Variants in CDK15 observed in about 807,000 individuals in gnomAD.
The protein encoded by CDK15 is cyclin-dependent kinase 15.
CDK15 carries 62 observed loss-of-function variants against 60.3 expected under a neutral mutation model. The ratio of observed to expected loss-of-function variants is 1.03; its 90% CI spans 0.84 to 1.27. The LOEUF (loss-of-function observed/expected upper bound fraction) is 1.27. CDK15 is among the 50% of genes most tolerant of loss of function. The pLI, the probability that CDK15 is intolerant of heterozygous loss-of-function variation, is 0.00. For missense variants in CDK15, 541 were observed against 527.8 expected (o/e 1.03, Z -0.25); for synonymous variants, 194 against 195.7 (o/e 0.99, Z 0.07).
At chr2:201,847,123 G>A (rs1450602584) in intron 8 of CDK15, among the ~76,000 whole-genome samples, 1 of 152,134 alleles carries the variant, frequency 6.6e-6, no homozygotes, top group Non-Finnish European at 1.5e-5. Context: ...CAGATAATGA[G>A]CTTGAATGAT....
At chr2:201,841,560 C>T (rs2105762074) in intron 8 of CDK15, among the ~76,000 whole-genome samples, 2 of 152,160 alleles carry the variant, frequency 1.3e-5, no homozygotes, top group African/African-American at 4.8e-5. Flanking sequence ...TTCCAGTTGA[C>T]AAAGAATGAA....
intron 10 of CDK15, among the ~76,000 whole-genome samples, chr2:201,855,495 G>T (rs1698107835): frequency 6.6e-6 from 1 of 152,176 alleles, no homozygotes; most frequent in Non-Finnish European, 1.5e-5. Context: ...AGAAGTGCTG[G>T]AAGTGTTATC....
intron 6 of CDK15, among the ~76,000 whole-genome samples, chr2:201,826,514 G>A (rs1329766341): frequency 7.1e-6 from 1 of 141,078 alleles, no homozygotes; most frequent in Non-Finnish European, 1.5e-5. Context: ...CATTTCAACA[G>A]TCTAGAATAG....
intron 7 of CDK15, among the ~76,000 whole-genome samples, chr2:201,835,118 A>C (rs982065319): frequency 3.9e-5 from 6 of 152,214 alleles, no homozygotes; most frequent in African/African-American, 7.2e-5. Flanking sequence ...TCTGTTACAG[A>C]GACCCAAAAT....
At chr2:201,818,247 C>A (rs187413137) in intron 4 of CDK15, among the ~76,000 whole-genome samples, 41 of 152,296 alleles carry the variant, frequency 2.7e-4, no homozygotes, top group South Asian at 6.2e-4. Context: ...GACTACCAGG[C>A]CTTCATTACA....
At chr2:201,841,991 A>T (rs767521389) in intron 8 of CDK15, among the ~76,000 whole-genome samples, 6 of 152,212 alleles carry the variant, frequency 3.9e-5, no homozygotes, top group Non-Finnish European at 7.3e-5. Flanking sequence ...GTGTTAAAAT[A>T]TACATAAAAT....
chr2:201,888,424 T>G lies in CDK15; in HGVS notation c.1199-2361T>G, dbSNP rs1574946080. On this transcript the variant is annotated intron_variant, in intron 12 of 13. Coordinates refer to ENST00000652192, the MANE Select transcript of CDK15 (RefSeq NM_001366386.2). ...GACTGAATTTCCCTTCTCAAAAAAT[T>G]TTTAAACACCCGCTTTCATATTTAT... 3.3e-6 allele frequency: 5 copies of G among 1,529,982 alleles called. No homozygotes were observed. The East Asian group carries it at 1.2e-4, about 37-fold the overall frequency. The allele number at this position is 1,529,982 out of a possible 1,614,324, so 94.8% of individuals were successfully genotyped here.
At chr2:201,848,938 C>G (rs1697787159) in intron 9 of CDK15, among the ~76,000 whole-genome samples, 1 of 151,818 alleles carries the variant, frequency 6.6e-6, no homozygotes, top group African/African-American at 2.4e-5. Context: ...AAAAAAAAAT[C>G]CAAGCCAAAA....
intron 4 of CDK15, among the ~76,000 whole-genome samples, chr2:201,822,278 C>A (rs1696262080): frequency 6.6e-6 from 1 of 152,258 alleles, no homozygotes; most frequent in Non-Finnish European, 1.5e-5. Flanking sequence ...GAAATCATCT[C>A]CAGTCTCTAT....
At chr2:201,861,315 C>T in intron 10 of CDK15, 1 of 989,258 alleles carries the variant, frequency 1.0e-6, no homozygotes, top group Non-Finnish European at 1.2e-6. Context: ...TAGCCCGATT[C>T]TACAGATGAG....
chr2:201,807,786 G>A, intron 2 of CDK15, 72 bp from the exon 3 acceptor site: 1 of 1,550,958 alleles, frequency 6.4e-7, no homozygotes, highest in Non-Finnish European at 8.7e-7. Context: ...GGGAAAAAAA[G>A]TCAACACTAA....
At chr2:201,860,618 A>T in intron 10 of CDK15, 1 of 1,026,234 alleles carries the variant, frequency 9.7e-7, no homozygotes, top group South Asian at 1.6e-5. Flanking sequence ...AATGAAAATC[A>T]AAAGGCAGGA....
intron 3 of CDK15, among the ~76,000 whole-genome samples, chr2:201,812,042 G>A (rs1293941294): frequency 6.6e-6 from 1 of 151,670 alleles, no homozygotes; most frequent in Non-Finnish European, 1.5e-5. Flanking sequence ...GGTGTGGTGG[G>A]GGTCCCCTGT....
At chr2:201,888,147 G>A (rs1231387201) in intron 12 of CDK15, among the ~76,000 whole-genome samples, 1 of 148,916 alleles carries the variant, frequency 6.7e-6, no homozygotes, top group Non-Finnish European at 1.5e-5. Context: ...ATCCCATTAA[G>A]TCACTTTCTG....
intron 10 of CDK15, chr2:201,860,606 G>A (rs150534652): frequency 6.4e-4 from 570 of 891,930 alleles, no homozygotes; most frequent in Non-Finnish European, 8.0e-4. Context: ...CTAGAAGAAC[G>A]TAATGAAAAT....
chr2:201,864,321 A>ATTTATT (rs960169059), intron 10 of CDK15, among the ~76,000 whole-genome samples: 2 of 150,990 alleles, frequency 1.3e-5, no homozygotes, highest in Non-Finnish European at 3.0e-5. Flanking sequence ...GGATAGTTTT[A>ATTTATT]TTTATTTATT....
intron 12 of CDK15, among the ~76,000 whole-genome samples, chr2:201,884,080 C>T (rs773200367): frequency 6.6e-6 from 1 of 152,222 alleles, no homozygotes; most frequent in South Asian, 2.1e-4. Flanking sequence ...GAACTACAGA[C>T]ACTGATCCAG....
chr2:201,859,394 C>T (rs1479705837), intron 10 of CDK15, among the ~76,000 whole-genome samples: 1 of 152,174 alleles, frequency 6.6e-6, no homozygotes, highest in Admixed American at 6.5e-5. Flanking sequence ...CCCTACCACT[C>T]CCACGAAAAT....
At chr2:201,824,506 A>T (rs1696380191) in intron 6 of CDK15, 1 of 222,464 alleles carries the variant, frequency 4.5e-6, no homozygotes, top group African/African-American at 2.3e-5. Context: ...TTAAATAGGC[A>T]GTGAGGGCCA....
Sources: allele counts gnomAD v4.1 joint callset (sites outside exome capture counted in the v4.1 genomes callset), GRCh38; gene constraint gnomAD v4.1.1; transcripts MANE v1.5; gene names NCBI Gene and HGNC (gene_info 2026-07-23, HGNC 2026-07-21).